RHPN2: variants seen among roughly 807,000 people sequenced by gnomAD.
The protein encoded by RHPN2 is rhophilin-2.
A neutral mutation model predicts 79.0 loss-of-function variants in RHPN2; 40 were observed. The observed-to-expected ratio is 0.51, with a 90% CI of 0.39 to 0.66. The LOEUF is 0.66. Among genes scored for constraint, RHPN2 ranks in the 30% least tolerant of loss-of-function variants. The probability of loss-of-function intolerance (pLI) is 0.00; values close to 1 mark genes in which losing one functional copy is unlikely to be tolerated. For missense variants in RHPN2, 686 were observed against 883.5 expected (o/e 0.78, Z 2.83); for synonymous variants, 285 against 363.5 (o/e 0.78, Z 2.46).
intron 14 of RHPN2, among the ~76,000 whole-genome samples, chr19:32,987,998 T>C (rs1465362995): frequency 6.6e-6 from 1 of 151,932 alleles, no homozygotes; most frequent in Admixed American, 6.6e-5. Context: ...CTTGGCAATA[T>C]ATAAAGGCCC....
chr19:33,062,306 CAA>C (rs1479052715), intron 1 of RHPN2, among the ~76,000 whole-genome samples: 1 of 151,816 alleles, frequency 6.6e-6, no homozygotes, highest in African/African-American at 2.4e-5. Context: ...ACTAAAAATA[CAA>C]AAGTTAGCCA....
At position 33,003,001 on chromosome 19, in the gene RHPN2, C is replaced by A. The variant is rs776013567; in HGVS notation, c.761-1G>T. The A allele has an allele frequency of 3.7e-6, 6 of 1,613,578 alleles. No individual in the cohort carries two copies. The highest frequency in any genetic ancestry group is 8.5e-7 in the Non-Finnish European group (1 of 1,179,654). ...GTGTCTTTCAGGTAATTTAAAACCC[C>A]TAAAAGTGGAAAATGTTTTGCCCAT... On this transcript the variant is annotated splice_acceptor_variant, in intron 7 of 14. Coordinates refer to ENST00000254260, the MANE Select transcript of RHPN2 (RefSeq NM_033103.5). LOFTEE classifies it high-confidence loss of function.
intron 12 of RHPN2, chr19:32,992,228 T>C (rs1482758338): frequency 1.4e-5 from 6 of 437,370 alleles, no homozygotes; most frequent in East Asian, 9.5e-5. Flanking sequence ...TTTTGAGACA[T>C]TGTCTCACTC....
At chr19:33,022,210 T>C (rs1397442472) in intron 3 of RHPN2, among the ~76,000 whole-genome samples, 1 of 152,130 alleles carries the variant, frequency 6.6e-6, no homozygotes, top group Non-Finnish European at 1.5e-5. Flanking sequence ...GGCCTCCCAA[T>C]GTGCTGGGAT....
intron 6 of RHPN2, among the ~76,000 whole-genome samples, chr19:33,009,231 T>C (rs933219108): frequency 1.3e-5 from 2 of 151,848 alleles, no homozygotes; most frequent in African/African-American, 4.8e-5. Context: ...AGTGCAAGAA[T>C]GAACCCTAAT....
rs563947508 is a variant in RHPN2, at chr19:32,981,336, G to A, written c.1801-1080C>T. 8.2e-5 allele frequency among the ~76,000 whole-genome samples: 12 copies of A among 147,208 alleles called. No individual in the cohort carries two copies. The South Asian group carries it at 2.6e-3, about 32-fold the overall frequency. Reference sequence around the variant, plus strand: ...GAAGATTGCTTGAGCCCAGGAGGTTGAGGCTATAGTGAGCTGTGATTGTGC... The same window carrying A: ...GAAGATTGCTTGAGCCCAGGAGGTTAAGGCTATAGTGAGCTGTGATTGTGC... On this transcript the variant is annotated intron_variant, in intron 14 of 14. Transcript: ENST00000254260.
chr19:33,053,281 G>A (rs60507951), intron 1 of RHPN2, among the ~76,000 whole-genome samples: 27,030 of 151,546 alleles, frequency 0.18, 3,066 homozygotes, highest in South Asian at 0.35. Context: ...GAGCCACTGC[G>A]CCCAGCCTTG....
intron 1 of RHPN2, among the ~76,000 whole-genome samples, chr19:33,062,739 G>A (rs1352908772): frequency 6.6e-6 from 1 of 150,524 alleles, no homozygotes; most frequent in Non-Finnish European, 1.5e-5. Flanking sequence ...CTGCACTCCA[G>A]CCTGAGCGAC....
rs532702139 is a variant in RHPN2, at chr19:32,992,934, C to T, written c.1498-965G>A. On this transcript the variant is annotated intron_variant, in intron 12 of 14. Coordinates refer to ENST00000254260, the MANE Select transcript of RHPN2 (RefSeq NM_033103.5). Reference sequence around the variant, plus strand: ...TTTGAGCCCAGGAGTTGGAGACCAGCCTAGGCAAGACCCCATCTCTACAAG... The same window carrying T: ...TTTGAGCCCAGGAGTTGGAGACCAGTCTAGGCAAGACCCCATCTCTACAAG... Among the ~76,000 whole-genome samples the T allele has an allele frequency of 1.3e-4, 20 of 151,410 alleles. No individual in the cohort carries two copies. The East Asian group carries it at 3.9e-3, about 30-fold the overall frequency.
rs773295049 is a variant in RHPN2, at chr19:33,064,817, C to A, written c.36G>T (p.Pro12=). The change falls in exon 1 of 15, where the codon CCG becomes CCT. Residue 12 remains proline, a synonymous_variant. Coordinates refer to ENST00000254260, the MANE Select transcript of RHPN2 (RefSeq NM_033103.5). ...AGTAGCCGTCGTTCTCCTTCTCCAG[C>A]GGCTGGGGGGCCGCGGGCAACAGCG... ...TDALLPAAPQ[P]LEKENDGYFR... 5 of 1,505,912 alleles carry A rather than the reference C, an allele frequency of 3.3e-6. No individual in the cohort carries two copies. The highest frequency in any genetic ancestry group is 2.6e-5 in the East Asian group (1 of 38,144). The allele number at this position is 1,505,912 out of a possible 1,614,324, so 93.3% of individuals were successfully genotyped here. A position where few individuals can be genotyped will look rare whatever the true frequency, so the allele number is the denominator to read the frequency against.
In RHPN2 at chr19:32,979,862, C is replaced by T. The variant is rs1206462047; in HGVS notation, c.*134G>A. On this transcript the variant is annotated 3_prime_UTR_variant, in exon 15 of 15. Transcript: ENST00000254260. ...GTTACTTTCCTTCATAAAAACACAT[C>T]AAATGTGAGTTTACACTATGAGAAA... is the stretch of plus-strand genomic sequence containing the variant. 4.4e-6 allele frequency: 5 copies of T among 1,138,002 alleles called. No individual in the cohort carries two copies. Among genetic ancestry groups the T allele is most frequent in the Non-Finnish European group, 6.4e-6 (5 of 783,482 alleles). 70.5% of individuals were successfully genotyped at this position (1,138,002 alleles called of 1,614,324 possible). A position where few individuals can be genotyped will look rare whatever the true frequency, so the allele number is the denominator to read the frequency against.
intron 1 of RHPN2, among the ~76,000 whole-genome samples, chr19:33,056,275 G>A (rs961793331): frequency 1.3e-5 from 2 of 151,828 alleles, no homozygotes; most frequent in African/African-American, 2.4e-5. Context: ...ACCACACCCA[G>A]CTAATTTTGT....
At chr19:33,047,397 A>G (rs1283912532) in intron 1 of RHPN2, among the ~76,000 whole-genome samples, 7 of 152,160 alleles carry the variant, frequency 4.6e-5, no homozygotes, top group Admixed American at 4.6e-4. Context: ...ACAACGCTTC[A>G]CGCTAAAAGT....
intron 1 of RHPN2, among the ~76,000 whole-genome samples, chr19:33,054,680 G>A (rs115670042): frequency 3.0e-4 from 45 of 152,294 alleles, no homozygotes; most frequent in African/African-American, 1.1e-3. Flanking sequence ...CCAGCCTCTG[G>A]CTGAGCGGTA....
At chr19:33,059,104 T>A (rs2016944) in intron 1 of RHPN2, among the ~76,000 whole-genome samples, 45,111 of 148,934 alleles carry the variant, frequency 0.3, 7,817 homozygotes, top group African/African-American at 0.46. Flanking sequence ...CAAAAAAAAA[T>A]AATAATAATA....
intron 2 of RHPN2, among the ~76,000 whole-genome samples, chr19:33,038,573 C>G (rs1411824809): frequency 1.3e-5 from 2 of 152,094 alleles, no homozygotes; most frequent in Admixed American, 1.3e-4. Context: ...ATTACAACCT[C>G]CGTCCCCCTG....
intron 1 of RHPN2, among the ~76,000 whole-genome samples, chr19:33,058,564 G>A (rs539855159): frequency 6.6e-6 from 1 of 151,184 alleles, no homozygotes; most frequent in South Asian, 2.1e-4. Flanking sequence ...GGTGGATTAC[G>A]CAGTCAAGAG....
At chr19:32,981,707 CTTT>C (rs34395682) in intron 14 of RHPN2, among the ~76,000 whole-genome samples, 8 of 123,604 alleles carry the variant, frequency 6.5e-5, no homozygotes, top group South Asian at 2.6e-4. Context: ...TTTCTTTTTC[CTTT>C]TTTTTTTTTT....
At chr19:33,010,854 T>C (rs538151449) in intron 6 of RHPN2, among the ~76,000 whole-genome samples, 3 of 152,170 alleles carry the variant, frequency 2.0e-5, no homozygotes, top group Non-Finnish European at 4.4e-5. Flanking sequence ...AGCAAATTTT[T>C]GTATTGTTTG....
Sources: allele counts gnomAD v4.1 joint callset (sites outside exome capture counted in the v4.1 genomes callset), GRCh38; gene constraint gnomAD v4.1.1; transcripts MANE v1.5; gene names NCBI Gene and HGNC (gene_info 2026-07-23, HGNC 2026-07-21).